Variants in GPATCH2L observed in about 807,000 individuals in gnomAD.
GPATCH2L encodes the protein G-patch domain containing 2 like, also known as G patch domain-containing protein 2-like.
GPATCH2L carries 31 observed loss-of-function variants against 57.4 expected under a neutral mutation model. That is an observed-to-expected ratio of 0.54 (90% CI 0.41 to 0.73). GPATCH2L has a LOEUF of 0.73. Ranked by LOEUF, GPATCH2L falls within the 30% of genes least tolerant of loss-of-function variation. The probability of loss-of-function intolerance (pLI) is 0.00; values close to 1 mark genes in which losing one functional copy is unlikely to be tolerated. For synonymous variants in GPATCH2L, 199 were observed against 210.7 expected (o/e 0.94, Z 0.48); for missense variants, 481 against 599.9 (o/e 0.80, Z 2.07).
At chr14:76,164,663 T>G (rs932101002) in intron 2 of GPATCH2L, among the ~76,000 whole-genome samples, 1 of 152,180 alleles carries the variant, frequency 6.6e-6, no homozygotes, top group Admixed American at 6.5e-5. Context: ...GTTTTAAAAC[T>G]GAGAATTTTT....
intron 4 of GPATCH2L, 107 bp downstream of exon 4, chr14:76,172,126 T>A: frequency 1.6e-6 from 1 of 617,008 alleles, no homozygotes; most frequent in Non-Finnish European, 2.6e-6. Flanking sequence ...ATTAACTATC[T>A]GAATTTTGGA....
rs972228297 is a variant in GPATCH2L, at chr14:76,209,434, G to A, written c.*7583G>A. The A allele has an allele frequency of 6.6e-6, 1 of 152,254 alleles. No individual in the cohort carries two copies. The highest frequency in any genetic ancestry group is 6.5e-5 in the Admixed American group (1 of 15,282). The allele number at this position is 152,254 out of a possible 1,614,324, so 9.4% of individuals were successfully genotyped here. A position where few individuals can be genotyped will look rare whatever the true frequency, so the allele number is the denominator to read the frequency against. The stretch of plus-strand genomic sequence containing the variant: ...CTCCCTTGTTCCTCCTCCAAGCCCA[G>A]TGAGGTAGGAGGAATTGCTAATTAG... On this transcript the variant is annotated 3_prime_UTR_variant, in exon 10 of 10. Transcript: ENST00000261530.
rs1312003649 is a variant in GPATCH2L at position 76,203,886 on chromosome 14, A to T, written c.*2035A>T. On this transcript the variant is annotated 3_prime_UTR_variant, in exon 10 of 10. Transcript: ENST00000261530. ...TTGTTTGTGTCAAGCTCTATGACTC[A>T]TGCAGTGATTGGTCCCATGATCATG... 1 of 152,220 alleles carries T rather than the reference A, an allele frequency of 6.6e-6. No homozygotes were observed. Among genetic ancestry groups the T allele is most frequent in the Non-Finnish European group, 1.5e-5 (1 of 68,054 alleles). 9.4% of individuals were successfully genotyped at this position (152,220 alleles called of 1,614,324 possible). A position where few individuals can be genotyped will look rare whatever the true frequency, so the allele number is the denominator to read the frequency against.
chr14:76,192,614 T>G (rs1402507951), intron 8 of GPATCH2L, among the ~76,000 whole-genome samples: 1 of 152,160 alleles, frequency 6.6e-6, no homozygotes, highest in Non-Finnish European at 1.5e-5. Context: ...GACTTGGCTA[T>G]AAGATCCATC....
intron 2 of GPATCH2L, among the ~76,000 whole-genome samples, chr14:76,158,678 G>T (rs1032030041): frequency 1.3e-5 from 2 of 152,156 alleles, no homozygotes; most frequent in Non-Finnish European, 2.9e-5. Context: ...TGGTAGGTGG[G>T]GGTGTTCTGT....
rs566072905 is a variant in GPATCH2L at position 76,194,484 on chromosome 14, A to T, written c.1194-1394A>T. ...AGCTTTTGCTATTTAGAGACATGAA[A>T]GTGTGTGTGTGTGTGTGTGTGCACG... On this transcript the variant is annotated intron_variant, in intron 8 of 9. Transcript: ENST00000261530. 3.8e-3 allele frequency among the ~76,000 whole-genome samples: 570 copies of T among 151,168 alleles called. 1 individual carries two copies. The highest frequency in any genetic ancestry group is 5.2e-3 in the Non-Finnish European group (349 of 67,756).
Position 76,212,845 on chromosome 14 carries a change from A to C in GPATCH2L, c.*10994A>C, listed in dbSNP as rs559708046. On this transcript the variant is annotated 3_prime_UTR_variant, in exon 10 of 10. Coordinates refer to ENST00000261530, the MANE Select transcript of GPATCH2L (RefSeq NM_017926.4). Reference sequence around the variant, plus strand: ...ATAGGTGGTCAGAAAAAAAAATGCAATAAATTAAAGCCAGAAAACACTGCT... The same window carrying C: ...ATAGGTGGTCAGAAAAAAAAATGCACTAAATTAAAGCCAGAAAACACTGCT... The C allele has an allele frequency of 2.6e-5, 4 of 152,298 alleles. No homozygotes were observed. In the South Asian group the frequency reaches 8.3e-4, roughly 32 times the overall value. The allele number at this position is 152,298 out of a possible 1,614,324, so 9.4% of individuals were successfully genotyped here.
rs11373321 is a variant in GPATCH2L, at chr14:76,207,530, GAAAAA to G, written c.*5685_*5689del. On this transcript the variant is annotated 3_prime_UTR_variant, in exon 10 of 10. Transcript: ENST00000261530. Reference sequence around the variant, plus strand: ...CATTTAAAGTACGGCTCATAAAAATGAAAAAAAAAATTGGAAGAAAAAAACACCTT... The same window carrying G: ...CATTTAAAGTACGGCTCATAAAAATGAAAAATTGGAAGAAAAAAACACCTT... 1 of 148,598 alleles carries G rather than the reference GAAAAA, an allele frequency of 6.7e-6. No individual in the cohort carries two copies. Among genetic ancestry groups the G allele is most frequent in the African/African-American group, 2.5e-5 (1 of 40,566 alleles). 9.2% of individuals were successfully genotyped at this position (148,598 alleles called of 1,614,324 possible). A position where few individuals can be genotyped will look rare whatever the true frequency, so the allele number is the denominator to read the frequency against.
chr14:76,191,159 T>C (rs2039948055), intron 8 of GPATCH2L, among the ~76,000 whole-genome samples: 1 of 152,156 alleles, frequency 6.6e-6, no homozygotes, highest in Non-Finnish European at 1.5e-5. Context: ...TGTGCTTTTG[T>C]CCCTCTTTTA....
chr14:76,185,229 G>A (rs556218037), intron 8 of GPATCH2L, among the ~76,000 whole-genome samples: 1 of 152,282 alleles, frequency 6.6e-6, no homozygotes, highest in East Asian at 1.9e-4. Context: ...GGTTGTTTTG[G>A]TTGCTAGTAT....
At chr14:76,188,078 CA>C (rs2039835651) in intron 8 of GPATCH2L, among the ~76,000 whole-genome samples, 1 of 152,058 alleles carries the variant, frequency 6.6e-6, no homozygotes, top group Non-Finnish European at 1.5e-5. Context: ...AATAGTACTG[CA>C]TTGTGTATAT....
At chr14:76,216,407 C>G (rs1003692559), downstream of GPATCH2L, among the ~76,000 whole-genome samples, 5 of 152,268 alleles carry the variant, frequency 3.3e-5, no homozygotes, top group African/African-American at 1.2e-4. Context: ...CACAAATTCT[C>G]TCTGGAGGAA....
In GPATCH2L at chr14:76,185,303, G is replaced by A. The variant is rs553231692; in HGVS notation, c.1193+4454G>A. 2.2e-4 allele frequency among the ~76,000 whole-genome samples: 34 copies of A among 152,316 alleles called. 1 individual carries two copies. Among genetic ancestry groups the A allele is most frequent in the African/African-American group, 7.5e-4 (31 of 41,564 alleles). On this transcript the variant is annotated intron_variant, in intron 8 of 9. Transcript: ENST00000261530. ...GTTAAGAATTGCTGCTGCCCAAACA[G>A]CAGATGGTGTGATTGGCGTTCTGGT...
rs532146084 is a variant in GPATCH2L, at chr14:76,222,053, G to T, written c.66-7755G>T. Among the ~76,000 whole-genome samples, 79 of 152,314 alleles carry T rather than the reference G, an allele frequency of 5.2e-4. 2 individuals are homozygous for T. In the South Asian group the frequency reaches 0.016, roughly 31 times the overall value. ...GTATCACTCTGGTGAGGAAGGCTGTGCATGTGTGGGGGAAGAAGGTATATG... is the reference window on the plus strand; with the variant it reads ...GTATCACTCTGGTGAGGAAGGCTGTTCATGTGTGGGGGAAGAAGGTATATG... On this transcript the variant is annotated intron_variant and NMD_transcript_variant, in intron 1 of 3. Transcript: ENST00000556372.
At chr14:76,167,422 T>C (rs1594926956) in intron 3 of GPATCH2L, among the ~76,000 whole-genome samples, 1 of 152,206 alleles carries the variant, frequency 6.6e-6, no homozygotes, top group African/African-American at 2.4e-5. Flanking sequence ...GATTTAGGGA[T>C]TTCTAAAGTC....
rs192119532 is a variant in GPATCH2L, at chr14:76,185,738, T to G, written c.1193+4889T>G. 1.2e-4 allele frequency among the ~76,000 whole-genome samples: 18 copies of G among 152,308 alleles called. 1 individual carries two copies. In the East Asian group the frequency reaches 2.3e-3, roughly 20 times the overall value. On this transcript the variant is annotated intron_variant, in intron 8 of 9. Coordinates refer to ENST00000261530, the MANE Select transcript of GPATCH2L (RefSeq NM_017926.4). The stretch of plus-strand genomic sequence containing the variant: ...AGGTCAGCTTCCTTTGTAAATAAAC[T>G]GTTTTTTCTTTGAGAAATCTTATTT...
intron 2 of GPATCH2L, among the ~76,000 whole-genome samples, chr14:76,162,022 C>T (rs1223782984): frequency 1.3e-5 from 2 of 151,984 alleles, no homozygotes; most frequent in Non-Finnish European, 2.9e-5. Flanking sequence ...GGTGACAGAG[C>T]GAGACTCCGT....
At chr14:76,180,181 G>C (rs2039506970) in intron 7 of GPATCH2L, among the ~76,000 whole-genome samples, 1 of 152,158 alleles carries the variant, frequency 6.6e-6, no homozygotes, top group Non-Finnish European at 1.5e-5. Flanking sequence ...AGGTGATGGA[G>C]TGATTAGGTA....
In GPATCH2L at chr14:76,230,754, T is replaced by A. The variant is rs74067677; in HGVS notation, c.*117+801T>A. ...AGGGTTATCAACATCTGGAAAGCAA[T>A]TCTTCGAAGTAATCAACTTTAATTC... On this transcript the variant is annotated intron_variant and NMD_transcript_variant, in intron 2 of 3. Transcript: ENST00000556372. Among the ~76,000 whole-genome samples, 321 of 152,338 alleles carry A rather than the reference T, an allele frequency of 2.1e-3. 1 individual carries two copies. The highest frequency in any genetic ancestry group is 7.3e-3 in the African/African-American group (304 of 41,578).
Sources: gnomAD v4.1 joint callset for allele counts (sites outside exome capture counted in the v4.1 genomes callset) on GRCh38, gnomAD v4.1.1 for gene constraint, MANE v1.5 for transcripts, NCBI Gene and HGNC (gene_info 2026-07-23, HGNC 2026-07-21) for gene names.